Variants in DLG2 observed in about 807,000 individuals in gnomAD.
DLG2 encodes the protein disks large homolog 2.
In DLG2, 45 loss-of-function variants were observed where a neutral mutation model predicts 132.5. That is an observed-to-expected ratio of 0.34 (90% CI 0.27 to 0.44). DLG2 has a LOEUF of 0.44. Ranked by LOEUF, DLG2 falls within the 20% of genes least tolerant of loss-of-function variation. The pLI is 1.00. For synonymous variants in DLG2, 424 were observed against 419.6 expected, an observed-to-expected ratio of 1.01 and a Z score of -0.13; for missense variants, 1,045 against 1,196.9, an observed-to-expected ratio of 0.87 and a Z score of 1.87.
chr11:84,596,190 G>GTCTCTC (rs59824224), intron 6 of DLG2, among the ~76,000 whole-genome samples: 2,227 of 144,800 alleles, frequency 0.015, 23 homozygotes, highest in South Asian at 0.042. Context: ...TCTTTTCTCT[G>GTCTCTC]TCTCTCTCTC....
At chr11:83,492,671 C>T (rs2093922753) in intron 21 of DLG2, among the ~76,000 whole-genome samples, 1 of 152,044 alleles carries the variant, frequency 6.6e-6, no homozygotes, top group Non-Finnish European at 1.5e-5. Flanking sequence ...TCCAATTACG[C>T]AGGCTGCAAA....
intron 6 of DLG2, chr11:84,546,930 G>C (rs1034423901): frequency 1.3e-5 from 2 of 159,636 alleles, no homozygotes; most frequent in Non-Finnish European, 2.8e-5. Flanking sequence ...TATCTCAGTA[G>C]AATAAGTTTC....
At chr11:84,362,987 T>C (rs2098659201) in intron 7 of DLG2, among the ~76,000 whole-genome samples, 3 of 152,078 alleles carry the variant, frequency 2.0e-5, no homozygotes, top group African/African-American at 7.2e-5. Context: ...CATGTGTCTT[T>C]ATAGCAGCAT....
chr11:84,722,915 C>T (rs113807069), intron 6 of DLG2, among the ~76,000 whole-genome samples: 2,324 of 152,238 alleles, frequency 0.015, 27 homozygotes, highest in South Asian at 0.039. Context: ...CTAATCTATA[C>T]GTTCTTAAAT....
intron 6 of DLG2, among the ~76,000 whole-genome samples, chr11:84,577,261 A>C (rs186817097): frequency 7.2e-5 from 11 of 152,334 alleles, no homozygotes; most frequent in African/African-American, 2.6e-4. Flanking sequence ...AATTGGTAAC[A>C]GAAGTGGGAT....
chr11:85,132,511 T>TA lies in DLG2; in HGVS notation c.283-20777dup, dbSNP rs148179503. On this transcript the variant is annotated intron_variant, in intron 5 of 27. Coordinates refer to ENST00000376104, the MANE Select transcript of DLG2 (RefSeq NM_001142699.3). ...ATAGATGCAAAAGCAAATCCTGCCA[T>TA]AAAAAAAAAACAAAAAACAAAAAAA... Among the ~76,000 whole-genome samples the TA allele has an allele frequency of 3.3e-3, 483 of 144,914 alleles. 3 individuals carry two copies. Among genetic ancestry groups the TA allele is most frequent in the African/African-American group, 8.0e-3 (319 of 39,674 alleles).
At chr11:84,177,762 T>C (rs2096009748) in intron 8 of DLG2, among the ~76,000 whole-genome samples, 1 of 152,070 alleles carries the variant, frequency 6.6e-6, no homozygotes, top group Non-Finnish European at 1.5e-5. Context: ...GAAGGATAAA[T>C]GAACTAGTAA....
chr11:84,712,647 T>A (rs2153774792), intron 6 of DLG2, among the ~76,000 whole-genome samples: 1 of 152,150 alleles, frequency 6.6e-6, no homozygotes, highest in South Asian at 2.1e-4. Context: ...CAGCAATATG[T>A]AAAGTAGTTT....
At chr11:84,019,398 G>GA in intron 11 of DLG2, among the ~76,000 whole-genome samples, 1 of 152,214 alleles carries the variant, frequency 6.6e-6, no homozygotes. Context: ...GAATGAACTA[G>GA]AAGGGTGAAA....
chr11:83,955,730 G>A (rs1293794059), intron 14 of DLG2, among the ~76,000 whole-genome samples: 1 of 152,220 alleles, frequency 6.6e-6, no homozygotes, highest in African/African-American at 2.4e-5. Context: ...TCAGCTGCCA[G>A]TGCAGCTAGG....
At chr11:84,045,344 C>T (rs2096217603) in intron 11 of DLG2, among the ~76,000 whole-genome samples, 1 of 151,612 alleles carries the variant, frequency 6.6e-6, no homozygotes, top group South Asian at 2.1e-4. Flanking sequence ...TAAGGAATTG[C>T]TGAGTCACTA....
At chr11:84,445,915 CAAAAAA>C (rs58758315) in intron 7 of DLG2, among the ~76,000 whole-genome samples, 1 of 59,842 alleles carries the variant, frequency 1.7e-5, no homozygotes, top group African/African-American at 5.9e-5. Context: ...GACTTCGCCT[CAAAAAA>C]AAAAAAAAAA....
intron 4 of DLG2, among the ~76,000 whole-genome samples, chr11:85,167,596 C>G (rs995292177): frequency 6.6e-6 from 1 of 152,128 alleles, no homozygotes; most frequent in Non-Finnish European, 1.5e-5. Context: ...CCTGAACAAA[C>G]AGGCCTTAAG....
At chr11:85,273,384 CA>C (rs2077670172) in intron 4 of DLG2, among the ~76,000 whole-genome samples, 2 of 152,134 alleles carry the variant, frequency 1.3e-5, no homozygotes, top group South Asian at 4.2e-4. Context: ...CCAGAATCTA[CA>C]AAGAACTTAA....
At chr11:84,938,548 G>A (rs1016125857) in intron 6 of DLG2, among the ~76,000 whole-genome samples, 2 of 152,104 alleles carry the variant, frequency 1.3e-5, no homozygotes, top group Non-Finnish European at 2.9e-5. Flanking sequence ...AGATCCCTAT[G>A]GGAAATGTTT....
intron 7 of DLG2, among the ~76,000 whole-genome samples, chr11:84,385,144 T>G (rs2098764383): frequency 6.6e-6 from 1 of 152,054 alleles, no homozygotes; most frequent in Non-Finnish European, 1.5e-5. Context: ...CATTTACCCT[T>G]CCACACTTAA....
chr11:83,512,683 TC>T lies in DLG2; in HGVS notation c.2193+20024del, dbSNP rs538187849. 1.1e-3 allele frequency among the ~76,000 whole-genome samples: 173 copies of T among 151,864 alleles called. 1 individual carries two copies. The highest frequency in any genetic ancestry group is 4.0e-3 in the African/African-American group (166 of 41,418). ...ATCTCCTAATGCTATCCCTCCCCCT[TC>T]CCCCCACCCCACAACAGGCCCTGGT... On this transcript the variant is annotated intron_variant, in intron 21 of 27. Coordinates refer to ENST00000376104, the MANE Select transcript of DLG2 (RefSeq NM_001142699.3).
intron 5 of DLG2, among the ~76,000 whole-genome samples, chr11:85,114,388 C>T (rs895060169): frequency 2.1e-4 from 32 of 151,986 alleles, no homozygotes; most frequent in African/African-American, 7.7e-4. Flanking sequence ...CAAGGGAGAA[C>T]CTAGCTCTCT....
intron 19 of DLG2, among the ~76,000 whole-genome samples, chr11:83,554,089 G>T (rs888357171): frequency 2.0e-5 from 3 of 151,880 alleles, no homozygotes; most frequent in Admixed American, 6.6e-5. Context: ...TGCTTTGTTG[G>T]CCCAGGTTGG....
Sources: gnomAD v4.1 joint callset for allele counts (sites outside exome capture counted in the v4.1 genomes callset) on GRCh38, gnomAD v4.1.1 for gene constraint, MANE v1.5 for transcripts, NCBI Gene and HGNC (gene_info 2026-07-23, HGNC 2026-07-21) for gene names.